The following CDH13 variants were observed in gnomAD, a reference collection of about 807,000 sequenced individuals.
The protein encoded by CDH13 is cadherin 13, also known as cadherin-13.
Under a neutral mutation model 63.8 loss-of-function variants are expected in CDH13, and 24 were observed. The observed-to-expected ratio is 0.38, with a 90% confidence interval of 0.27 to 0.53. The LOEUF is 0.53. Ranked by LOEUF, CDH13 falls within the 20% of genes least tolerant of loss-of-function variation. The pLI, the probability that CDH13 is intolerant of heterozygous loss-of-function variation, is 0.85. For synonymous variants in CDH13, 503 were observed against 355.3 expected, an observed-to-expected ratio of 1.42 and a Z score of -4.67; for missense variants, 1,049 against 903.1, an observed-to-expected ratio of 1.16 and a Z score of -2.07.
chr16:82,972,124 A>G lies in CDH13; in HGVS notation c.158-59886A>G, dbSNP rs868610699. 2.2e-4 allele frequency among the ~76,000 whole-genome samples: 33 copies of G among 152,226 alleles called. 1 individual carries two copies. The highest frequency in any genetic ancestry group is 6.8e-3 in the Middle Eastern group (2 of 294). ...AGTGTAGGGTGAGGCTAAATCCCAA[A>G]ATTGAAATTTGGGGACACTGATTAG... On this transcript the variant is annotated intron_variant, in intron 2 of 13. Coordinates refer to ENST00000567109, the MANE Select transcript of CDH13 (RefSeq NM_001257.5).
At chr16:83,064,994 A>C (rs1336315968) in intron 3 of CDH13, among the ~76,000 whole-genome samples, 2 of 152,148 alleles carry the variant, frequency 1.3e-5, no homozygotes, top group East Asian at 1.9e-4. Flanking sequence ...TAGCTAAAAA[A>C]AATCTCCCCA....
At chr16:83,390,373 A>C (rs2091762688) in intron 6 of CDH13, among the ~76,000 whole-genome samples, 1 of 152,292 alleles carries the variant, frequency 6.6e-6, no homozygotes, top group African/African-American at 2.4e-5. Flanking sequence ...TGGAGGTGGA[A>C]CCATGTATGG....
intron 6 of CDH13, among the ~76,000 whole-genome samples, chr16:83,384,805 T>G (rs2091640590): frequency 6.6e-6 from 1 of 152,254 alleles, no homozygotes; most frequent in African/African-American, 2.4e-5. Context: ...ATTCTTTAAG[T>G]ACTCTCAGAT....
intron 2 of CDH13, among the ~76,000 whole-genome samples, chr16:82,947,708 T>C (rs1216723982): frequency 6.6e-6 from 1 of 152,080 alleles, no homozygotes; most frequent in African/African-American, 2.4e-5. Context: ...AGTTTGGGAG[T>C]AGGGGTGGGA....
chr16:82,761,090 C>A (rs1316297897), intron 1 of CDH13, among the ~76,000 whole-genome samples: 2 of 122,212 alleles, frequency 1.6e-5, no homozygotes, highest in Admixed American at 1.1e-4. Context: ...GTGGCATGAT[C>A]TTAGCTCACT....
chr16:82,974,851 A>C (rs1277358982), intron 2 of CDH13, among the ~76,000 whole-genome samples: 1 of 152,222 alleles, frequency 6.6e-6, no homozygotes, highest in Non-Finnish European at 1.5e-5. Context: ...TTTTGACCTC[A>C]AGGACTATAA....
chr16:83,144,115 T>C (rs2036647755), intron 4 of CDH13, among the ~76,000 whole-genome samples: 1 of 152,182 alleles, frequency 6.6e-6, no homozygotes, highest in African/African-American at 2.4e-5. Flanking sequence ...TTGGTCATAC[T>C]TGACCCACAG....
At chr16:82,986,370 A>G (rs117053289) in intron 2 of CDH13, among the ~76,000 whole-genome samples, 12 of 152,356 alleles carry the variant, frequency 7.9e-5, no homozygotes, top group Non-Finnish European at 1.5e-4. Flanking sequence ...CTCATCAAAT[A>G]CCTACCATGC....
chr16:82,905,991 C>T (rs1292061398), intron 2 of CDH13, among the ~76,000 whole-genome samples: 1 of 152,012 alleles, frequency 6.6e-6, no homozygotes, highest in Non-Finnish European at 1.5e-5. Flanking sequence ...TGAAAAAATA[C>T]ACATATGTGT....
At chr16:83,263,077 A>T (rs1275821124) in intron 5 of CDH13, among the ~76,000 whole-genome samples, 1 of 152,244 alleles carries the variant, frequency 6.6e-6, no homozygotes, top group East Asian at 1.9e-4. Flanking sequence ...GAATGAATAC[A>T]TATTAGCTAT....
At chr16:83,653,240 C>T (rs1460444054) in intron 8 of CDH13, among the ~76,000 whole-genome samples, 2 of 152,000 alleles carry the variant, frequency 1.3e-5, no homozygotes, top group South Asian at 2.1e-4. Context: ...GGTGGTTGCA[C>T]AACTCTGTGA....
chr16:83,343,340 G>A (rs2151360942), intron 5 of CDH13, among the ~76,000 whole-genome samples: 2 of 152,246 alleles, frequency 1.3e-5, no homozygotes, highest in South Asian at 4.1e-4. Flanking sequence ...TTATTGTATT[G>A]TAATATGTTG....
At chr16:83,214,302 G>C (rs370796703) in intron 4 of CDH13, among the ~76,000 whole-genome samples, 22 of 151,962 alleles carry the variant, frequency 1.4e-4, no homozygotes, top group African/African-American at 4.8e-4. Context: ...AACCTAGGCC[G>C]GACGTGGTGG....
chr16:83,441,626 C>A (rs2072482526), intron 6 of CDH13, among the ~76,000 whole-genome samples: 3 of 152,114 alleles, frequency 2.0e-5, no homozygotes, highest in African/African-American at 7.2e-5. Flanking sequence ...GTGAGAAGCC[C>A]AGCTCCTGCT....
intron 1 of CDH13, among the ~76,000 whole-genome samples, chr16:82,781,920 CTA>C (rs1194319185): frequency 6.6e-6 from 1 of 152,130 alleles, no homozygotes. Context: ...TGTGGGAACT[CTA>C]AAGAAAGAAT....
chr16:82,708,746 C>T (rs189769393), intron 1 of CDH13, among the ~76,000 whole-genome samples: 12 of 152,258 alleles, frequency 7.9e-5, no homozygotes, highest in South Asian at 6.2e-4. Context: ...AATCAGATGA[C>T]GCTGGGCAAA....
intron 7 of CDH13, among the ~76,000 whole-genome samples, chr16:83,508,076 G>GAAGGAAGGAAGGA (rs1405563891): frequency 1.5e-5 from 1 of 64,576 alleles, no homozygotes; most frequent in Non-Finnish European, 3.2e-5. Context: ...AGGAAGGAAG[G>GAAGGAAGGAAGGA]AAGGAAGGAA....
chr16:83,232,700 T>A (rs2151804778), intron 5 of CDH13, among the ~76,000 whole-genome samples: 1 of 152,274 alleles, frequency 6.6e-6, no homozygotes, highest in Middle Eastern at 3.4e-3. Context: ...GCCAGCATCA[T>A]GCTTCCTATA....
rs115067260 is a variant in CDH13, at chr16:83,788,697, A to T, written c.2134+5225A>T. Among the ~76,000 whole-genome samples the T allele has an allele frequency of 9.3e-3, 1,412 of 152,300 alleles. 23 individuals carry two copies. The highest frequency in any genetic ancestry group is 0.032 in the African/African-American group (1,320 of 41,570). On this transcript the variant is annotated intron_variant, in intron 13 of 13. Transcript: ENST00000567109. ...TGCTTCACAGTTGGTATCATTGATA[A>T]AAGACAGGCACAGGTACACTAGCTG...
Sources: gnomAD v4.1 joint callset for allele counts (sites outside exome capture counted in the v4.1 genomes callset) on GRCh38, gnomAD v4.1.1 for gene constraint, MANE v1.5 for transcripts, NCBI Gene and HGNC (gene_info 2026-07-23, HGNC 2026-07-21) for gene names.